Variants in ZSWIM5 observed in about 807,000 individuals in gnomAD.
ZSWIM5 encodes zinc finger SWIM-type containing 5, also known as zinc finger SWIM domain-containing protein 5.
Under a neutral mutation model 119.6 loss-of-function variants are expected in ZSWIM5, and 55 were observed. The ratio of observed to expected loss-of-function variants is 0.46; its 90% CI spans 0.37 to 0.58. The LOEUF (loss-of-function observed/expected upper bound fraction) is 0.58. Among genes scored for constraint, ZSWIM5 ranks in the 20% least tolerant of loss-of-function variants. The pLI is 0.00. For synonymous variants in ZSWIM5, 537 were observed against 606.9 expected (o/e 0.88, Z 1.69); for missense variants, 1,193 against 1,512.8 (o/e 0.79, Z 3.51).
chr1:45,185,638 A>G (rs1316337802), intron 1 of ZSWIM5, among the ~76,000 whole-genome samples: 21 of 150,238 alleles, frequency 1.4e-4, no homozygotes, highest in Non-Finnish European at 2.7e-4. Context: ...GCAGCCAAAA[A>G]ACACATGAAA....
chr1:45,021,797 A>G (rs572829796), intron 11 of ZSWIM5, among the ~76,000 whole-genome samples: 2 of 152,218 alleles, frequency 1.3e-5, no homozygotes, highest in East Asian at 3.9e-4. Flanking sequence ...AGGTGGGTGA[A>G]TCACTTGAGG....
chr1:45,035,857 G>A, intron 9 of ZSWIM5, 34 bp from the exon 10 acceptor site: 4 of 1,608,392 alleles, frequency 2.5e-6, no homozygotes, highest in Non-Finnish European at 3.4e-6. Context: ...TTATTTATCT[G>A]TATGCTTCCA....
At chr1:45,183,625 ATG>A (rs1361153786) in intron 1 of ZSWIM5, among the ~76,000 whole-genome samples, 2 of 152,252 alleles carry the variant, frequency 1.3e-5, no homozygotes, top group African/African-American at 4.8e-5. Flanking sequence ...AAACACCTCT[ATG>A]CAAATAAACT....
chr1:45,115,453 C>T (rs1645548393), intron 1 of ZSWIM5, among the ~76,000 whole-genome samples: 2 of 150,538 alleles, frequency 1.3e-5, no homozygotes. Flanking sequence ...TCCTCACCTT[C>T]CAGACGGGGT....
intron 1 of ZSWIM5, among the ~76,000 whole-genome samples, chr1:45,125,796 T>C (rs1235172387): frequency 6.9e-6 from 1 of 145,746 alleles, no homozygotes; most frequent in African/African-American, 2.5e-5. Flanking sequence ...GCCGGCACAA[T>C]GGCTCATGCC....
chr1:45,152,943 A>T (rs1295069872), intron 1 of ZSWIM5, among the ~76,000 whole-genome samples: 1 of 152,020 alleles, frequency 6.6e-6, no homozygotes, highest in Non-Finnish European at 1.5e-5. Flanking sequence ...AAATGGGCAA[A>T]AATGCAAACA....
chr1:45,055,207 G>A (rs1404911406), intron 4 of ZSWIM5, among the ~76,000 whole-genome samples: 1 of 152,148 alleles, frequency 6.6e-6, no homozygotes, highest in Non-Finnish European at 1.5e-5. Flanking sequence ...AGCCAGGATG[G>A]TCTCAATCTC....
At chr1:45,047,225 T>C (rs1645061735) in intron 5 of ZSWIM5, among the ~76,000 whole-genome samples, 3 of 151,976 alleles carry the variant, frequency 2.0e-5, no homozygotes, top group South Asian at 2.1e-4. Context: ...ATACTGCGGA[T>C]AGGTCAAGTA....
At chr1:45,166,877 G>A (rs1324175449) in intron 1 of ZSWIM5, among the ~76,000 whole-genome samples, 4 of 152,218 alleles carry the variant, frequency 2.6e-5, no homozygotes, top group African/African-American at 4.8e-5. Context: ...AATAAATATT[G>A]TGAAAATGGC....
intron 1 of ZSWIM5, among the ~76,000 whole-genome samples, chr1:45,190,066 C>T (rs1027284896): frequency 2.6e-5 from 4 of 152,118 alleles, no homozygotes; most frequent in Non-Finnish European, 4.4e-5. Context: ...GTAATCCCAG[C>T]ACTATGGGAG....
chr1:45,129,427 G>C (rs1444319622), intron 1 of ZSWIM5, among the ~76,000 whole-genome samples: 1 of 152,036 alleles, frequency 6.6e-6, no homozygotes, highest in Non-Finnish European at 1.5e-5. Flanking sequence ...AAAGTGCTGG[G>C]ATTACAGGCG....
rs168315 is a variant in ZSWIM5 at position 45,090,180 on chromosome 1, G to A, written c.596-1943C>T. Among the ~76,000 whole-genome samples, 48 of 152,186 alleles carry A rather than the reference G, an allele frequency of 3.2e-4. 1 individual carries two copies. In the East Asian group the frequency reaches 7.9e-3, roughly 25 times the overall value. On this transcript the variant is annotated intron_variant, in intron 1 of 13. Transcript: ENST00000359600. ...TACAAGTACGCTCATAAAACCTAGC[G>A]AAATTATCACATAAAGCCACATTTA...
rs577218708 is a variant in ZSWIM5 at position 45,018,101 on chromosome 1, G to C, written c.*353C>G. Reference sequence around the variant, plus strand: ...TATTTACAGTCCCACAAATGTGTCTGTTTCTCTGGTTAAGCAATCCCTGAG... The same window carrying C: ...TATTTACAGTCCCACAAATGTGTCTCTTTCTCTGGTTAAGCAATCCCTGAG... On this transcript the variant is annotated 3_prime_UTR_variant, in exon 14 of 14. Coordinates refer to ENST00000359600, the MANE Select transcript of ZSWIM5 (RefSeq NM_020883.2). The surrounding 1 kb of genome is among the most constrained non-coding windows in gnomAD (Gnocchi z 6.7). 6.8e-6 allele frequency: 2 copies of C among 294,202 alleles called. No homozygotes were observed. The highest frequency in any genetic ancestry group is 1.3e-5 in the Non-Finnish European group (2 of 156,864). 18.2% of individuals were successfully genotyped at this position (294,202 alleles called of 1,614,324 possible).
At chr1:45,073,446 G>A (rs571605031) in intron 2 of ZSWIM5, among the ~76,000 whole-genome samples, 2 of 150,830 alleles carry the variant, frequency 1.3e-5, no homozygotes, top group South Asian at 4.2e-4. Flanking sequence ...TTTAGTAGAG[G>A]TAGAGTTTCA....
chr1:45,055,233 G>T (rs973530376), intron 4 of ZSWIM5, among the ~76,000 whole-genome samples: 1 of 151,996 alleles, frequency 6.6e-6, no homozygotes, highest in Non-Finnish European at 1.5e-5. Context: ...CTCGTGATCC[G>T]CCTGCCTTGG....
chr1:45,035,946 G>T, intron 9 of ZSWIM5, 93 bp downstream of exon 9: 1 of 1,562,940 alleles, frequency 6.4e-7, no homozygotes, highest in Non-Finnish European at 8.7e-7. Context: ...ACATTTTAAT[G>T]TCATAAATGT....
chr1:45,051,947 G>A (rs1451051309), intron 4 of ZSWIM5, among the ~76,000 whole-genome samples: 4 of 151,420 alleles, frequency 2.6e-5, no homozygotes, highest in East Asian at 3.9e-4. Context: ...ATTTGGACTT[G>A]GATTTTCAAA....
chr1:45,175,062 T>C (rs527962117), intron 1 of ZSWIM5, among the ~76,000 whole-genome samples: 2 of 152,218 alleles, frequency 1.3e-5, no homozygotes, highest in South Asian at 4.2e-4. Flanking sequence ...ATGCATTTAG[T>C]TTTTATGTCT....
intron 1 of ZSWIM5, among the ~76,000 whole-genome samples, chr1:45,132,036 A>G (rs1645660187): frequency 6.7e-6 from 1 of 150,128 alleles, no homozygotes; most frequent in African/African-American, 2.4e-5. Flanking sequence ...AAGCAGAAAG[A>G]TCAAAAAATT....
Sources: allele counts gnomAD v4.1 joint callset (sites outside exome capture counted in the v4.1 genomes callset), GRCh38; gene constraint gnomAD v4.1.1; non-coding constraint Gnocchi (gnomAD v3.1); transcripts MANE v1.5; gene names NCBI Gene and HGNC (gene_info 2026-07-23, HGNC 2026-07-21).